TGM6: variants seen among roughly 807,000 people sequenced by gnomAD.
TGM6 encodes protein-glutamine gamma-glutamyltransferase 6.
In TGM6, 74 loss-of-function variants were observed where a neutral mutation model predicts 77.5. The observed-to-expected ratio is 0.96, with a 90% confidence interval of 0.79 to 1.16. The LOEUF is 1.16. TGM6 is among the 50% of genes most tolerant of loss of function. The probability of loss-of-function intolerance (pLI) is 0.00; values close to 1 mark genes in which losing one functional copy is unlikely to be tolerated. For synonymous variants in TGM6, 383 were observed against 378.9 expected (o/e 1.01, Z -0.12); for missense variants, 968 against 940.2 (o/e 1.03, Z -0.39).
chr20:2,392,362 T>G (rs2084634729), intron 1 of TGM6, among the ~76,000 whole-genome samples: 1 of 152,220 alleles, frequency 6.6e-6, no homozygotes, highest in South Asian at 2.1e-4. Context: ...GAGGAAGCCT[T>G]GCTTGTGCCC....
At position 2,417,548 on chromosome 20, in the gene TGM6, C is replaced by T. The variant is rs755072071; in HGVS notation, c.1653C>T (p.His551=). Residue 551 remains histidine, a synonymous_variant, in exon 10 of 13, where the codon CAC becomes CAT. Transcript: ENST00000202625. The stretch of plus-strand genomic sequence containing the variant: ...TGGCAGAGATCCTGCATGAATCCCA[C>T]GCCGTGAGGCTGGGGCCGCAAGAAG... ...KPVAEILHES[H]AVRLGPQEEK... is the part of the protein sequence containing the mutation. The T allele has an allele frequency of 4.6e-5, 73 of 1,603,660 alleles. 3 individuals carry two copies. The South Asian group carries it at 7.9e-4, about 17-fold the overall frequency.
Position 2,413,173 on chromosome 20 carries a change from G to T in TGM6, c.1337-4059G>T, listed in dbSNP as rs73071401. ...TGTCTGTGATCCCAGCACTTTAGGA[G>T]GCCAAGTCAGGAGACTCCCTTCAGT... On this transcript the variant is annotated intron_variant, in intron 9 of 12. Transcript: ENST00000202625. Among the ~76,000 whole-genome samples the T allele has an allele frequency of 7.0e-3, 1,062 of 152,278 alleles. 9 individuals carry two copies. The highest frequency in any genetic ancestry group is 0.011 in the Non-Finnish European group (725 of 68,024).
intron 9 of TGM6, among the ~76,000 whole-genome samples, chr20:2,409,903 G>C (rs1172625455): frequency 3.9e-5 from 6 of 152,188 alleles, no homozygotes; most frequent in African/African-American, 1.4e-4. Context: ...GCTAGACTAA[G>C]AGAAGAATCA....
chr20:2,397,237 G>A (rs2084675388), intron 4 of TGM6, among the ~76,000 whole-genome samples: 1 of 152,212 alleles, frequency 6.6e-6, no homozygotes. Flanking sequence ...CCCAGGCAGA[G>A]GGAAGAGCAG....
Position 2,394,515 on chromosome 20 carries a change from A to T in TGM6, c.71A>T (p.Glu24Val). 6.2e-7 allele frequency: 1 copy of T among 1,611,862 alleles called. No individual in the cohort carries two copies. Among genetic ancestry groups the T allele is most frequent in the Non-Finnish European group, 8.5e-7 (1 of 1,179,866 alleles). ...SRNGAAHHTQ[E>V]YPCPELVVRR... is the part of the protein sequence containing the mutation. ...AATGGCGCTGCCCACCACACCCAGGAGTACCCCTGCCCTGAGCTGGTGGTT... is the reference window on the plus strand; with the variant it reads ...AATGGCGCTGCCCACCACACCCAGGTGTACCCCTGCCCTGAGCTGGTGGTT... The change falls in exon 2 of 13, where the codon GAG (glutamate) becomes GTG (valine). Residue 24 changes from glutamate (E) to valine (V), a missense_variant. Coordinates refer to ENST00000202625, the MANE Select transcript of TGM6 (RefSeq NM_198994.3).
intron 5 of TGM6, 137 bp from the exon 6 acceptor site, chr20:2,399,424 C>T (rs1217962946): frequency 2.8e-5 from 33 of 1,159,362 alleles, no homozygotes; most frequent in Non-Finnish European, 1.9e-5. Flanking sequence ...ACAGATGCCC[C>T]TAATTTTCAG....
chr20:2,409,067 A>G (rs1455952142), intron 9 of TGM6, among the ~76,000 whole-genome samples: 1 of 152,306 alleles, frequency 6.6e-6, no homozygotes, highest in South Asian at 2.1e-4. Context: ...TCCAGAATTG[A>G]CCATATGCTC....
chr20:2,392,019 T>C (rs2084632237), intron 1 of TGM6, among the ~76,000 whole-genome samples: 1 of 152,324 alleles, frequency 6.6e-6, no homozygotes, highest in Non-Finnish European at 1.5e-5. Context: ...GGCAAATAGT[T>C]TTGCTAATCT....
chr20:2,412,132 A>G (rs965207235), intron 9 of TGM6, among the ~76,000 whole-genome samples: 62 of 152,358 alleles, frequency 4.1e-4, no homozygotes, highest in Admixed American at 4.1e-3. Context: ...TATACATACA[A>G]TGGAATATTA....
chr20:2,430,332 T>C (rs2084915883), intron 10 of TGM6, 114 bp from the exon 11 acceptor site: 8 of 1,377,190 alleles, frequency 5.8e-6, no homozygotes, highest in Middle Eastern at 1.8e-4. Flanking sequence ...TGTCTCAGAA[T>C]GGTTGCAAGG....
chr20:2,382,844 G>T (rs754851843), intron 1 of TGM6, among the ~76,000 whole-genome samples: 1 of 152,180 alleles, frequency 6.6e-6, no homozygotes, highest in Non-Finnish European at 1.5e-5. Context: ...CTGGAGCCTG[G>T]ATGTGGCCCC....
At chr20:2,427,744 GTGTT>G (rs939603230) in intron 10 of TGM6, among the ~76,000 whole-genome samples, 7 of 151,918 alleles carry the variant, frequency 4.6e-5, no homozygotes, top group Middle Eastern at 3.2e-3. Context: ...TGGGGGAGGG[GTGTT>G]TGTTTGTTTG....
At chr20:2,419,960 T>C (rs1167668155) in intron 10 of TGM6, among the ~76,000 whole-genome samples, 2 of 152,204 alleles carry the variant, frequency 1.3e-5, no homozygotes, top group Non-Finnish European at 2.9e-5. Context: ...AGTGAAATTC[T>C]TGGGCCAGGC....
Position 2,432,732 on chromosome 20 carries a change from TC to T in TGM6, c.*90del, listed in dbSNP as rs142483840. 7,241 of 1,582,152 alleles carry T rather than the reference TC, an allele frequency of 4.6e-3. 271 individuals are homozygous for T. The African/African-American group carries it at 0.084, about 18-fold the overall frequency. On this transcript the variant is annotated 3_prime_UTR_variant, in exon 13 of 13. Coordinates refer to ENST00000202625, the MANE Select transcript of TGM6 (RefSeq NM_198994.3). ...TCTTCCACATGGGAGCCAGGAGGCC[TC>T]AGTTAATCCTGCCTCAACCTCTGCC...
At chr20:2,403,977 G>A (rs960342517) in intron 9 of TGM6, among the ~76,000 whole-genome samples, 154 bp downstream of exon 9, 1 of 152,312 alleles carries the variant, frequency 6.6e-6, no homozygotes, top group East Asian at 1.9e-4. Flanking sequence ...TGAGCCAAGT[G>A]CCTTTATTTA....
intron 9 of TGM6, among the ~76,000 whole-genome samples, chr20:2,413,267 T>C (rs1398661769): frequency 6.6e-6 from 1 of 152,074 alleles, no homozygotes; most frequent in East Asian, 1.9e-4. Context: ...CTTTTAAAAA[T>C]TAGCTGAGTG....
At chr20:2,416,683 C>T (rs575758214) in intron 9 of TGM6, among the ~76,000 whole-genome samples, 3 of 152,258 alleles carry the variant, frequency 2.0e-5, no homozygotes, top group East Asian at 1.9e-4. Flanking sequence ...TGTTTCCATT[C>T]GTCTATAATC....
At position 2,430,535 on chromosome 20, in the gene TGM6, G is replaced by A; in HGVS notation, c.1768G>A (p.Val590Ile). Residue 590 changes from valine to isoleucine, a missense_variant, in exon 11 of 13, where the codon GTC becomes ATC. Coordinates refer to ENST00000202625, the MANE Select transcript of TGM6 (RefSeq NM_198994.3). ...GATCCTGTTGGCTGCCATGTGCCTT[G>A]TCACCAAAGGAGAGAAGCTTCTGGT... ...KKILLAAMCL[V>I]TKGEKLLVEK... 1 of 1,614,202 alleles carries A rather than the reference G, an allele frequency of 6.2e-7. No individual in the cohort carries two copies. Among genetic ancestry groups the A allele is most frequent in the Non-Finnish European group, 8.5e-7 (1 of 1,180,030 alleles).
Position 2,394,542 on chromosome 20 carries a change from G to A in TGM6, c.98G>A (p.Arg33His), listed in dbSNP as rs374951502. The A allele has an allele frequency of 1.3e-5, 21 of 1,611,768 alleles. No homozygotes were observed. The East Asian group carries it at 1.3e-4, about 10-fold the overall frequency. Residue 33 changes from arginine to histidine, a missense_variant, in exon 2 of 13, where the codon CGC becomes CAC. Transcript: ENST00000202625. Reference sequence around the variant, plus strand: ...TACCCCTGCCCTGAGCTGGTGGTTCGCAGGGGCCAGTCGTTCAGCCTCACG... The same window carrying A: ...TACCCCTGCCCTGAGCTGGTGGTTCACAGGGGCCAGTCGTTCAGCCTCACG... ...QEYPCPELVV[R>H]RGQSFSLTLE... is the part of the protein sequence containing the mutation.
Sources: gnomAD v4.1 joint callset for allele counts (sites outside exome capture counted in the v4.1 genomes callset) on GRCh38, gnomAD v4.1.1 for gene constraint, MANE v1.5 for transcripts, NCBI Gene and HGNC (gene_info 2026-07-23, HGNC 2026-07-21) for gene names.